The following UBE4B variants were observed in gnomAD, a reference collection of about 807,000 sequenced individuals.
UBE4B encodes ubiquitin conjugation factor E4 B.
UBE4B carries 27 observed loss-of-function variants against 148.1 expected under a neutral mutation model. The observed-to-expected ratio is 0.18, with a 90% CI of 0.13 to 0.25. UBE4B has a LOEUF of 0.25. Among genes scored for constraint, UBE4B ranks in the 10% least tolerant of loss-of-function variants. UBE4B has a pLI of 1.00. For missense variants in UBE4B, 1,170 were observed against 1,662.4 expected (o/e 0.70, Z 5.15); for synonymous variants, 596 against 619.3 (o/e 0.96, Z 0.56).
At chr1:10,151,241 A>ACCAGC in intron 20 of UBE4B, 85 bp from the exon 21 acceptor site, 2 of 1,262,924 alleles carry the variant, frequency 1.6e-6, no homozygotes, top group Non-Finnish European at 2.3e-6. Context: ...TCCCCTCCTC[A>ACCAGC]CTTACTGACA....
chr1:10,039,598 T>TC (rs1643680500), intron 1 of UBE4B, among the ~76,000 whole-genome samples: 1 of 137,300 alleles, frequency 7.3e-6, no homozygotes, highest in African/African-American at 2.5e-5. Context: ...CCCTGCTGAT[T>TC]TTTTTTTTTT....
chr1:10,152,296 A>G (rs1411001051), intron 21 of UBE4B, among the ~76,000 whole-genome samples: 1 of 149,392 alleles, frequency 6.7e-6, no homozygotes, highest in Non-Finnish European at 1.5e-5. Context: ...TAATAATAAT[A>G]CCACTTTTCA....
At chr1:10,076,468 T>TG (rs1644583944) in intron 2 of UBE4B, among the ~76,000 whole-genome samples, 1 of 152,036 alleles carries the variant, frequency 6.6e-6, no homozygotes, top group Non-Finnish European at 1.5e-5. Flanking sequence ...GGTCTCGAAC[T>TG]CCTGACCTCA....
intron 2 of UBE4B, among the ~76,000 whole-genome samples, chr1:10,091,305 A>C (rs1159052229): frequency 6.6e-6 from 1 of 152,154 alleles, no homozygotes; most frequent in Admixed American, 6.5e-5. Context: ...GGGAGAGGGC[A>C]TGAAGACAAG....
chr1:10,080,494 A>G (rs908553465), intron 2 of UBE4B, among the ~76,000 whole-genome samples: 5 of 152,098 alleles, frequency 3.3e-5, no homozygotes, highest in African/African-American at 1.2e-4. Flanking sequence ...CATTTTACAA[A>G]ACAATATGGA....
chr1:10,160,095 T>C (rs1340806688), intron 22 of UBE4B, among the ~76,000 whole-genome samples: 2 of 152,218 alleles, frequency 1.3e-5, no homozygotes, highest in African/African-American at 4.8e-5. Context: ...GCTTCTTTTT[T>C]TCTCTACGAA....
At chr1:10,150,634 G>T (rs1011378642) in intron 20 of UBE4B, among the ~76,000 whole-genome samples, 1 of 152,016 alleles carries the variant, frequency 6.6e-6, no homozygotes, top group African/African-American at 2.4e-5. Context: ...GGCCAAGGTG[G>T]GCAAATCACG....
rs896999195 is a variant in UBE4B, at chr1:10,033,314, A to G, written c.-357A>G. On this transcript the variant is annotated 5_prime_UTR_variant, in exon 1 of 28. Transcript: ENST00000343090. ...CGCGCCACTATCACGAAGAAACAGC[A>G]GGCTCGGGGCACGAGACGAACTGGA... is the stretch of plus-strand genomic sequence containing the variant. The G allele has an allele frequency of 1.9e-5, 4 of 205,392 alleles. No individual in the cohort carries two copies. The highest frequency in any genetic ancestry group is 6.0e-5 in the Admixed American group (1 of 16,758). The allele number at this position is 205,392 out of a possible 1,614,324, so 12.7% of individuals were successfully genotyped here.
chr1:10,103,881 C>A (rs1311138252), intron 5 of UBE4B, among the ~76,000 whole-genome samples: 1 of 152,142 alleles, frequency 6.6e-6, no homozygotes, highest in Non-Finnish European at 1.5e-5. Flanking sequence ...CCGCCTTGGC[C>A]TCCCAAAGTG....
intron 23 of UBE4B, chr1:10,163,474 C>G (rs1258688540): frequency 6.6e-6 from 1 of 152,130 alleles, no homozygotes; most frequent in African/African-American, 2.4e-5. Context: ...TCAAGAACAT[C>G]CTGGCCAACA....
At chr1:10,151,809 G>T (rs535484275) in intron 21 of UBE4B, among the ~76,000 whole-genome samples, 1 of 151,996 alleles carries the variant, frequency 6.6e-6, no homozygotes, top group Admixed American at 6.6e-5. Context: ...CAGATGATTG[G>T]CACCGAGACC....
intron 2 of UBE4B, among the ~76,000 whole-genome samples, chr1:10,089,921 C>T (rs1255426210): frequency 6.6e-6 from 1 of 151,880 alleles, no homozygotes; most frequent in Non-Finnish European, 1.5e-5. Context: ...CCAGGCTGGT[C>T]TCGAACTCCT....
Position 10,072,118 on chromosome 1 carries a change from G to C in UBE4B, c.115G>C (p.Gly39Arg). 6.2e-7 allele frequency: 1 copy of C among 1,613,362 alleles called. No individual in the cohort carries two copies. Among genetic ancestry groups the C allele is most frequent in the Non-Finnish European group, 8.5e-7 (1 of 1,179,758 alleles). Residue 39 changes from glycine to arginine, a missense_variant, in exon 2 of 28, where the codon GGG (glycine) becomes CGG (arginine). Around this residue, in one of 6 missense-constraint regions of UBE4B, gnomAD observed 127 missense variants for 153.2 expected, o/e 0.83. Transcript: ENST00000343090. The part of the protein sequence containing the change: ...LTSPQRENPP[G>R]PPIAASAPGP... ...CTCTCCCCAGAGGGAGAACCCTCCG[G>C]GGCCTCCCATAGCGGCATCAGCCCC... is the stretch of plus-strand genomic sequence containing the variant.
intron 1 of UBE4B, among the ~76,000 whole-genome samples, chr1:10,059,896 C>T (rs1644252724): frequency 6.6e-6 from 1 of 152,162 alleles, no homozygotes; most frequent in Non-Finnish European, 1.5e-5. Flanking sequence ...TTCTTCTACC[C>T]AGGAGAGCTG....
intron 3 of UBE4B, chr1:10,100,855 A>G (rs767794530): frequency 9.5e-6 from 4 of 421,160 alleles, no homozygotes; most frequent in African/African-American, 6.1e-5. Context: ...CACTCGGCCA[A>G]TGATATACTT....
At chr1:10,144,859 G>A in intron 17 of UBE4B, 81 bp from the exon 18 acceptor site, 1 of 938,182 alleles carries the variant, frequency 1.1e-6, no homozygotes, top group Non-Finnish European at 1.6e-6. Context: ...CTGCGTGTGA[G>A]AGTCAGTGAA....
chr1:10,071,575 G>A (rs1439371897), intron 1 of UBE4B, among the ~76,000 whole-genome samples: 1 of 152,200 alleles, frequency 6.6e-6, no homozygotes, highest in African/African-American at 2.4e-5. Flanking sequence ...GTGACAGAGA[G>A]ACTCTCTCTA....
chr1:10,095,996 C>G (rs528107793), intron 3 of UBE4B, among the ~76,000 whole-genome samples: 12 of 152,264 alleles, frequency 7.9e-5, no homozygotes, highest in Admixed American at 2.0e-4. Flanking sequence ...GTCTCAAACT[C>G]CTGGCCTCAA....
At chr1:10,056,624 A>G (rs1644173860) in intron 1 of UBE4B, among the ~76,000 whole-genome samples, 1 of 152,196 alleles carries the variant, frequency 6.6e-6, no homozygotes, top group African/African-American at 2.4e-5. Context: ...ATAAGATAAG[A>G]AATATTTTGT....
Sources: gnomAD v4.1 joint callset for allele counts (sites outside exome capture counted in the v4.1 genomes callset) on GRCh38, gnomAD v4.1.1 for gene constraint, gnomAD v4.1.1 regional missense constraint, MANE v1.5 for transcripts, NCBI Gene and HGNC (gene_info 2026-07-23, HGNC 2026-07-21) for gene names.